Variants in NFKB1 observed in about 807,000 individuals in gnomAD.
The protein encoded by NFKB1 is nuclear factor NF-kappa-B p105 subunit.
NFKB1 carries 9 observed loss-of-function variants against 105.1 expected under a neutral mutation model. The observed-to-expected ratio is 0.09, with a 90% CI of 0.05 to 0.15. The LOEUF is 0.15. NFKB1 is among the 10% of genes least tolerant of loss of function. The probability of loss-of-function intolerance (pLI) is 1.00; values close to 1 mark genes in which losing one functional copy is unlikely to be tolerated. For synonymous variants in NFKB1, 440 were observed against 442.2 expected (o/e 1.00, Z 0.06); for missense variants, 830 against 1,203.7 (o/e 0.69, Z 4.59).
intron 5 of NFKB1, among the ~76,000 whole-genome samples, chr4:102,551,417 A>G (rs1277252283): frequency 6.6e-6 from 1 of 150,434 alleles, no homozygotes; most frequent in East Asian, 1.9e-4. Flanking sequence ...CTGGGAGAAA[A>G]TATACCCTCC....
chr4:102,563,024 G>A (rs564456041), intron 5 of NFKB1, among the ~76,000 whole-genome samples: 170 of 152,226 alleles, frequency 1.1e-3, no homozygotes, highest in Non-Finnish European at 2.0e-3. Context: ...GAGCAAAGTG[G>A]ACATTTCAAA....
At position 102,537,878 on chromosome 4, in the gene NFKB1, T is replaced by C. The variant is rs1741746571; in HGVS notation, c.180T>C (p.Tyr60=). ...TGCAGAGAGGATTTCGTTTCCGTTATGTATGTGAAGGCCCATCCCATGGTG... is the reference window on the plus strand; with the variant it reads ...TGCAGAGAGGATTTCGTTTCCGTTACGTATGTGAAGGCCCATCCCATGGTG... ...QPKQRGFRFR[Y]VCEGPSHGGL... is the part of the protein sequence containing the mutation. Residue 60 remains tyrosine, a synonymous_variant, in exon 5 of 24, where the codon TAT becomes TAC. Transcript: ENST00000226574. 9.3e-6 allele frequency: 15 copies of C among 1,610,394 alleles called. No homozygotes were observed. Among genetic ancestry groups the C allele is most frequent in the South Asian group, 1.1e-5 (1 of 90,826 alleles).
Position 102,519,722 on chromosome 4 carries a change from T to C in NFKB1, c.-7-5790T>C, listed in dbSNP as rs546586285. Among the ~76,000 whole-genome samples the C allele has an allele frequency of 7.9e-5, 12 of 152,304 alleles. No individual in the cohort carries two copies. In the East Asian group the frequency reaches 1.9e-3, roughly 24 times the overall value. On this transcript the variant is annotated intron_variant, in intron 1 of 23. Coordinates refer to ENST00000226574, the MANE Select transcript of NFKB1 (RefSeq NM_003998.4). ...ATATGCCAAAGAGGAAAACCACTTCTGCCTCCTAAACAACTGAAAGAACCA... is the reference window on the plus strand; with the variant it reads ...ATATGCCAAAGAGGAAAACCACTTCCGCCTCCTAAACAACTGAAAGAACCA...
intron 5 of NFKB1, among the ~76,000 whole-genome samples, chr4:102,563,749 A>G (rs1723622489): frequency 6.6e-6 from 1 of 151,432 alleles, no homozygotes; most frequent in Non-Finnish European, 1.5e-5. Context: ...ATGCTCTTAC[A>G]GTGTCCCTGG....
intron 5 of NFKB1, among the ~76,000 whole-genome samples, chr4:102,546,504 A>T (rs1396732089): frequency 1.3e-5 from 2 of 152,166 alleles, no homozygotes; most frequent in Non-Finnish European, 2.9e-5. Flanking sequence ...CTAGAAAAAA[A>T]ATATAACATT....
intron 3 of NFKB1, among the ~76,000 whole-genome samples, chr4:102,532,401 G>C (rs1741351061): frequency 6.6e-6 from 1 of 152,194 alleles, no homozygotes. Context: ...GGCCAAGGCA[G>C]GTAGATCACG....
At chr4:102,526,463 C>T (rs1449183745) in intron 2 of NFKB1, among the ~76,000 whole-genome samples, 1 of 151,988 alleles carries the variant, frequency 6.6e-6, no homozygotes, top group African/African-American at 2.4e-5. Context: ...ACAATCTATG[C>T]ATGTAACAAA....
chr4:102,593,760 T>C (rs1329584960), intron 12 of NFKB1, among the ~76,000 whole-genome samples, 192 bp downstream of exon 12: 1 of 152,186 alleles, frequency 6.6e-6, no homozygotes, highest in Non-Finnish European at 1.5e-5. Flanking sequence ...GTAGGTAATC[T>C]CAAAAGTCAT....
At chr4:102,568,206 G>T (rs1724032122) in intron 6 of NFKB1, among the ~76,000 whole-genome samples, 1 of 151,912 alleles carries the variant, frequency 6.6e-6, no homozygotes, top group Non-Finnish European at 1.5e-5. Flanking sequence ...TTCTTTGTTT[G>T]ACTGTGAAAA....
At chr4:102,503,156 T>C (rs1739198111) in intron 1 of NFKB1, among the ~76,000 whole-genome samples, 2 of 152,126 alleles carry the variant, frequency 1.3e-5, no homozygotes, top group South Asian at 4.1e-4. Flanking sequence ...GCAATGTACT[T>C]TTTTGAGTTT....
At chr4:102,502,559 A>C (rs772423317) in intron 1 of NFKB1, among the ~76,000 whole-genome samples, 1 of 152,224 alleles carries the variant, frequency 6.6e-6, no homozygotes, top group Non-Finnish European at 1.5e-5. Flanking sequence ...GGACAGTGCC[A>C]CCATGCATTA....
intron 16 of NFKB1, among the ~76,000 whole-genome samples, chr4:102,602,462 C>T (rs1204375498): frequency 6.6e-6 from 1 of 151,346 alleles, no homozygotes; most frequent in African/African-American, 2.4e-5. Context: ...ATGGTGTGAA[C>T]CTGGAGGCTG....
intron 5 of NFKB1, among the ~76,000 whole-genome samples, chr4:102,545,294 T>G (rs1722049792): frequency 6.6e-6 from 1 of 151,976 alleles, no homozygotes; most frequent in South Asian, 2.1e-4. Flanking sequence ...CTCCCTGGGG[T>G]CTCATGGACA....
intron 11 of NFKB1, among the ~76,000 whole-genome samples, chr4:102,589,956 C>T (rs991139821): frequency 3.3e-5 from 5 of 151,966 alleles, no homozygotes; most frequent in Admixed American, 1.3e-4. Context: ...GCACAGATAG[C>T]GAGAAACAGA....
intron 2 of NFKB1, among the ~76,000 whole-genome samples, chr4:102,526,052 G>C (rs1007505873): frequency 6.6e-6 from 1 of 151,956 alleles, no homozygotes; most frequent in Non-Finnish European, 1.5e-5. Flanking sequence ...GCTTCTTCCC[G>C]GCGTGTCTCT....
chr4:102,597,409 G>A (rs1409156737), intron 14 of NFKB1, 111 bp from the exon 15 acceptor site: 1 of 1,122,358 alleles, frequency 8.9e-7, no homozygotes, highest in South Asian at 1.9e-5. Flanking sequence ...CAACTAAAAT[G>A]ATATGTCAAG....
In NFKB1 at chr4:102,584,759, G is replaced by A. The variant is rs1458499075; in HGVS notation, c.1005G>A (p.Arg335=). ...CAGCCTCTGTGTTTGTCCAGCTTCG[G>A]AGGAAATCTGACTTGGAAACTAGTG... The part of the protein sequence containing the change: ...TKPASVFVQL[R]RKSDLETSEP... The change falls in exon 11 of 24, where the codon CGG becomes CGA. Residue 335 remains arginine, a synonymous_variant. Coordinates refer to ENST00000226574, the MANE Select transcript of NFKB1 (RefSeq NM_003998.4). 1 of 1,612,884 alleles carries A rather than the reference G, an allele frequency of 6.2e-7. No individual in the cohort carries two copies. The highest frequency in any genetic ancestry group is 2.2e-5 in the East Asian group (1 of 44,854).
rs545093872 is a variant in NFKB1, at chr4:102,570,133, C to A, written c.407+2998C>A. Among the ~76,000 whole-genome samples, 18 of 152,210 alleles carry A rather than the reference C, an allele frequency of 1.2e-4. No homozygotes were observed. The South Asian group carries it at 2.3e-3, about 19-fold the overall frequency. On this transcript the variant is annotated intron_variant, in intron 6 of 23. Transcript: ENST00000226574. Reference sequence around the variant, plus strand: ...TCTCTGCTTTCTGGCAGTTTAGAGACATGGAATTTTTTTCCAATTAATACA... The same window carrying A: ...TCTCTGCTTTCTGGCAGTTTAGAGAAATGGAATTTTTTTCCAATTAATACA...
intron 5 of NFKB1, among the ~76,000 whole-genome samples, chr4:102,564,902 A>T (rs1253912091): frequency 2.0e-5 from 3 of 151,994 alleles, no homozygotes; most frequent in Non-Finnish European, 2.9e-5. Flanking sequence ...GTGTTCTTTC[A>T]CTCTTGATTT....
Sources: gnomAD v4.1 joint callset for allele counts (sites outside exome capture counted in the v4.1 genomes callset) on GRCh38, gnomAD v4.1.1 for gene constraint, MANE v1.5 for transcripts, NCBI Gene and HGNC (gene_info 2026-07-23, HGNC 2026-07-21) for gene names.